Variants in ANK2 observed in about 807,000 individuals in gnomAD.
ANK2 encodes the protein ankyrin 2.
In ANK2, 83 loss-of-function variants were observed where a neutral mutation model predicts 360.5. That is an observed-to-expected ratio of 0.23 (90% CI 0.19 to 0.28). The LOEUF is 0.28. ANK2 is among the 10% of genes least tolerant of loss of function. The pLI, the probability that ANK2 is intolerant of heterozygous loss-of-function variation, is 1.00. For missense variants in ANK2, 4,201 were observed against 4,795.7 expected (o/e 0.88, Z 3.66); for synonymous variants, 1,740 against 1,759.5 (o/e 0.99, Z 0.28).
chr4:112,891,254 A>G (rs1221218460), intron 1 of ANK2, among the ~76,000 whole-genome samples: 1 of 152,088 alleles, frequency 6.6e-6, no homozygotes, highest in Non-Finnish European at 1.5e-5. Flanking sequence ...CTTCCTTCCC[A>G]TGCTTCCTTT....
chr4:112,757,952 CCACTGCAACGGCGCCGTCCTGGCT>C, the ANK2 span, among the ~76,000 whole-genome samples: 4 of 137,524 alleles, frequency 2.9e-5, no homozygotes, highest in Non-Finnish European at 6.9e-5. Flanking sequence ...CCGTCCTGGC[CCACTGCAACGGCGCCGTCCTGGCT>C]CACTGCAACC....
the ANK2 span, among the ~76,000 whole-genome samples, chr4:112,789,673 C>T: frequency 2.0e-5 from 3 of 152,088 alleles, no homozygotes; most frequent in African/African-American, 7.2e-5. Context: ...AGTATATATC[C>T]TCAAGTTCCT....
At chr4:112,829,411 T>G (rs1373121572) in intron 1 of ANK2, among the ~76,000 whole-genome samples, 1 of 146,328 alleles carries the variant, frequency 6.8e-6, no homozygotes, top group East Asian at 2.0e-4. Context: ...ATCCCAGCAC[T>G]TTGGGAGGCG....
the ANK2 span, among the ~76,000 whole-genome samples, chr4:112,771,402 G>A: frequency 6.6e-6 from 1 of 152,196 alleles, no homozygotes; most frequent in South Asian, 2.1e-4. Context: ...ACAGGCGTGA[G>A]CCACCACACC....
chr4:112,926,789 C>G (rs2092611826), intron 2 of ANK2, among the ~76,000 whole-genome samples: 1 of 152,188 alleles, frequency 6.6e-6, no homozygotes, highest in Non-Finnish European at 1.5e-5. Flanking sequence ...TACTAACCAG[C>G]TTTACATATA....
intron 1 of ANK2, among the ~76,000 whole-genome samples, chr4:113,065,883 C>G (rs1179079792): frequency 3.9e-5 from 6 of 152,172 alleles, no homozygotes; most frequent in African/African-American, 1.4e-4. Context: ...TGCTCCCAAA[C>G]TAGGTCTGTT....
chr4:112,980,740 C>G (rs1356226824), intron 2 of ANK2, among the ~76,000 whole-genome samples: 1 of 152,132 alleles, frequency 6.6e-6, no homozygotes, highest in East Asian at 1.9e-4. Flanking sequence ...TCTGTTACTA[C>G]AGCTGACTAT....
At chr4:113,350,363 T>A in intron 37 of ANK2, 114 bp downstream of exon 37, 1 of 810,048 alleles carries the variant, frequency 1.2e-6, no homozygotes, top group East Asian at 2.7e-5. Context: ...TACATTTTTA[T>A]ATTATCCTTA....
At position 113,367,877 on chromosome 4, in the gene ANK2, A is replaced by C. The variant is rs761760135; in HGVS notation, c.11318+26A>C. On this transcript the variant is annotated intron_variant, in intron 42 of 45. Transcript: ENST00000357077. ...GTGAGTTTCCAAAGAAAGCCTGTCA[A>C]ATGTAATACCAAAGAAACAGGCTAT... 28 of 1,613,704 alleles carry C rather than the reference A, an allele frequency of 1.7e-5. No homozygotes were observed. The Admixed American group carries it at 4.5e-4, about 26-fold the overall frequency.
At chr4:112,911,350 C>T (rs189382861) in intron 2 of ANK2, among the ~76,000 whole-genome samples, 1 of 151,582 alleles carries the variant, frequency 6.6e-6, no homozygotes, top group African/African-American at 2.4e-5. Context: ...GGTGAAACCC[C>T]GTCTCTACTA....
chr4:112,788,219 A>G, the ANK2 span: 6 of 1,590,528 alleles, frequency 3.8e-6, no homozygotes, highest in Non-Finnish European at 5.1e-6. Flanking sequence ...ATTGGTCCTG[A>G]TAGCTTCCAC....
the ANK2 span, among the ~76,000 whole-genome samples, chr4:112,740,382 T>C: frequency 6.6e-6 from 1 of 152,052 alleles, no homozygotes; most frequent in Admixed American, 6.6e-5. Context: ...GGACTACAGG[T>C]GCATGCCACC....
chr4:113,110,123 C>T (rs1285494469), intron 1 of ANK2, among the ~76,000 whole-genome samples: 1 of 152,172 alleles, frequency 6.6e-6, no homozygotes, highest in Non-Finnish European at 1.5e-5. Flanking sequence ...AATGGACTCA[C>T]AGTTCCAAAT....
At chr4:113,341,371 A>G (rs1472108310) in intron 32 of ANK2, among the ~76,000 whole-genome samples, 1 of 152,252 alleles carries the variant, frequency 6.6e-6, no homozygotes, top group Non-Finnish European at 1.5e-5. Flanking sequence ...CACTAAATAT[A>G]TAGTTCAGAA....
At chr4:112,865,399 T>C (rs2070121041) in intron 1 of ANK2, among the ~76,000 whole-genome samples, 1 of 152,168 alleles carries the variant, frequency 6.6e-6, no homozygotes. Flanking sequence ...AATGATAATG[T>C]TTATGGTTTT....
At chr4:113,172,504 C>T (rs1305591923) in intron 1 of ANK2, among the ~76,000 whole-genome samples, 2 of 152,118 alleles carry the variant, frequency 1.3e-5, no homozygotes, top group African/African-American at 2.4e-5. Flanking sequence ...ATTAAATGGG[C>T]ATAAGAATAG....
intron 1 of ANK2, among the ~76,000 whole-genome samples, chr4:112,886,444 C>T (rs1373046216): frequency 6.6e-6 from 1 of 152,076 alleles, no homozygotes; most frequent in Admixed American, 6.5e-5. Context: ...GCGGGCAGAT[C>T]ACGAGGTCAG....
At position 113,255,721 on chromosome 4, in the gene ANK2, C is replaced by T; in HGVS notation, c.991-14C>T. On this transcript the variant is annotated splice_polypyrimidine_tract_variant and intron_variant, in intron 10 of 45. Coordinates refer to ENST00000357077, the MANE Select transcript of ANK2 (RefSeq NM_001148.6). ...AAAAAAAAGGACATTATTTTGTTTT[C>T]TTTTAATGTGCAGAATGGGCTGTCT... The T allele has an allele frequency of 1.9e-6, 3 of 1,612,082 alleles. No individual in the cohort carries two copies. Among genetic ancestry groups the T allele is most frequent in the Non-Finnish European group, 8.5e-7 (1 of 1,178,834 alleles).
chr4:112,805,698 C>A, the ANK2 span, among the ~76,000 whole-genome samples: 24 of 152,000 alleles, frequency 1.6e-4, no homozygotes, highest in East Asian at 1.7e-3. Context: ...TCTCCTGCCT[C>A]AGCCTCCTGA....
Sources: allele counts gnomAD v4.1 joint callset (sites outside exome capture counted in the v4.1 genomes callset), GRCh38; gene constraint gnomAD v4.1.1; transcripts MANE v1.5; gene names NCBI Gene and HGNC (gene_info 2026-07-23, HGNC 2026-07-21).